ADGB: variants seen among roughly 807,000 people sequenced by gnomAD.
ADGB encodes the protein calpain-7-like protein.
ADGB carries 172 observed loss-of-function variants against 210.5 expected under a neutral mutation model. The observed-to-expected ratio is 0.82, with a 90% confidence interval of 0.72 to 0.93. The LOEUF is 0.93. Among genes scored for constraint, ADGB ranks in the 40% least tolerant of loss-of-function variants. ADGB has a pLI of 0.00. For synonymous variants in ADGB, 658 were observed against 662.7 expected (o/e 0.99, Z 0.11); for missense variants, 2,025 against 1,964.8 (o/e 1.03, Z -0.58).
At chr6:146,647,983 G>T (rs555265714) in intron 3 of ADGB, among the ~76,000 whole-genome samples, 2 of 151,666 alleles carry the variant, frequency 1.3e-5, no homozygotes, top group Non-Finnish European at 2.9e-5. Context: ...ACATACAAAG[G>T]TTTTAAAAAT....
intron 10 of ADGB, among the ~76,000 whole-genome samples, chr6:146,689,303 C>T (rs559428175): frequency 6.6e-6 from 1 of 152,276 alleles, no homozygotes; most frequent in African/African-American, 2.4e-5. Context: ...CTTGAACAAA[C>T]TTTCTCAGCA....
intron 10 of ADGB, among the ~76,000 whole-genome samples, chr6:146,686,095 T>G (rs1776229147): frequency 6.6e-6 from 1 of 152,032 alleles, no homozygotes; most frequent in Non-Finnish European, 1.5e-5. Flanking sequence ...TATAGATCCT[T>G]CTGTTATAAT....
chr6:146,603,299 AT>A (rs1327255660), intron 1 of ADGB, among the ~76,000 whole-genome samples: 3 of 152,210 alleles, frequency 2.0e-5, no homozygotes, highest in Non-Finnish European at 2.9e-5. Flanking sequence ...CGCTGGAGGG[AT>A]TTGTAGTGAT....
rs547815982 is a variant in ADGB, at chr6:146,815,236, T to C, written c.*19T>C. The C allele has an allele frequency of 4.5e-4, 664 of 1,471,692 alleles. 2 individuals are homozygous for C. Among genetic ancestry groups the C allele is most frequent in the South Asian group, 3.9e-3 (265 of 68,450 alleles). 91.2% of individuals were successfully genotyped at this position (1,471,692 alleles called of 1,614,324 possible). A position where few individuals can be genotyped will look rare whatever the true frequency, so the allele number is the denominator to read the frequency against. On this transcript the variant is annotated 3_prime_UTR_variant, in exon 36 of 36. Transcript: ENST00000397944. ...AAAGTAACCAGGGGATGTCCAATAC[T>C]ACCCTGCTTCTGGAGAGAAAAAATC...
intron 9 of ADGB, among the ~76,000 whole-genome samples, chr6:146,677,391 AATTTT>A (rs1306646956): frequency 6.6e-6 from 1 of 152,032 alleles, no homozygotes; most frequent in East Asian, 1.9e-4. Context: ...CTTATTAATA[AATTTT>A]TATCTTTTTT....
chr6:146,815,392 T>C lies in ADGB; in HGVS notation c.*175T>C, dbSNP rs1052451. 141,377 of 437,460 alleles carry C rather than the reference T, an allele frequency of 0.32. 25,774 individuals carry two copies. The highest frequency in any genetic ancestry group is 0.68 in the East Asian group (17,020 of 24,916). The allele number at this position is 437,460 out of a possible 1,614,324, so 27.1% of individuals were successfully genotyped here. ...CAGAAAGCTAGTATTTGAAGCCATT[T>C]GAGTTTAAGATGCTCTAATTTCAAT... On this transcript the variant is annotated 3_prime_UTR_variant, in exon 36 of 36. Transcript: ENST00000397944.
At chr6:146,719,503 C>T (rs1442011088) in intron 16 of ADGB, among the ~76,000 whole-genome samples, 3 of 152,060 alleles carry the variant, frequency 2.0e-5, no homozygotes. Context: ...ATCTTAATGG[C>T]ATTTAGCATG....
At chr6:146,649,957 TA>T (rs1337998287) in intron 3 of ADGB, among the ~76,000 whole-genome samples, 1 of 152,206 alleles carries the variant, frequency 6.6e-6, no homozygotes, top group Non-Finnish European at 1.5e-5. Flanking sequence ...TAAACATATC[TA>T]AACGTGTATA....
chr6:146,601,042 T>C (rs1295127433), intron 1 of ADGB, among the ~76,000 whole-genome samples: 1 of 152,020 alleles, frequency 6.6e-6, no homozygotes, highest in Non-Finnish European at 1.5e-5. Flanking sequence ...GGGAAAATCT[T>C]GGACTTTAAT....
At chr6:146,752,862 G>T in intron 27 of ADGB, 148 bp downstream of exon 27, 1 of 684,342 alleles carries the variant, frequency 1.5e-6, no homozygotes. Flanking sequence ...TATAGCATTT[G>T]CATGTCAAAT....
intron 26 of ADGB, among the ~76,000 whole-genome samples, chr6:146,747,134 A>G (rs1777251485): frequency 6.6e-6 from 1 of 152,186 alleles, no homozygotes; most frequent in South Asian, 2.1e-4. Context: ...TTTATTTTCA[A>G]TATAGGACCT....
At chr6:146,736,721 C>A (rs1160646733) in intron 23 of ADGB, 130 bp downstream of exon 23, 4 of 499,014 alleles carry the variant, frequency 8.0e-6, no homozygotes, top group South Asian at 4.2e-5. Context: ...TTCGGACCTT[C>A]CACAATATTT....
intron 26 of ADGB, among the ~76,000 whole-genome samples, chr6:146,747,505 T>G (rs1184068286): frequency 2.6e-5 from 4 of 152,108 alleles, no homozygotes; most frequent in Non-Finnish European, 5.9e-5. Flanking sequence ...AGTTCATAAA[T>G]TAAAGGATAT....
At position 146,654,206 on chromosome 6, in the gene ADGB, G is replaced by A. The variant is rs1234645273; in HGVS notation, c.402G>A (p.Glu134=). The change falls in exon 4 of 36, where the codon GAG becomes GAA. Residue 134 remains glutamate (E), a splice_region_variant and synonymous_variant. Transcript: ENST00000397944. ...FSANEHLLCS[E]LMRWIISEIY... ...CAAATGAACATTTACTCTGCAGCGAGGTATGTACAGAAATATGAACTAAAG... is the reference window on the plus strand; with the variant it reads ...CAAATGAACATTTACTCTGCAGCGAAGTATGTACAGAAATATGAACTAAAG... The A allele has an allele frequency of 6.5e-7, 1 of 1,539,630 alleles. No homozygotes were observed. The highest frequency in any genetic ancestry group is 2.0e-5 in the Admixed American group (1 of 50,828).
At chr6:146,604,928 G>C (rs1051283544) in intron 1 of ADGB, among the ~76,000 whole-genome samples, 1 of 152,040 alleles carries the variant, frequency 6.6e-6, no homozygotes, top group African/African-American at 2.4e-5. Flanking sequence ...CTTCCAACTG[G>C]GGCTGGTTTT....
At chr6:146,630,280 G>C (rs1490766562) in intron 1 of ADGB, among the ~76,000 whole-genome samples, 1 of 151,866 alleles carries the variant, frequency 6.6e-6, no homozygotes, top group Non-Finnish European at 1.5e-5. Context: ...AAAGCAAGCT[G>C]GGCAGGATCA....
intron 2 of ADGB, among the ~76,000 whole-genome samples, chr6:146,643,970 A>C (rs1426137019): frequency 1.3e-5 from 2 of 151,986 alleles, no homozygotes; most frequent in Non-Finnish European, 2.9e-5. Flanking sequence ...ACTGAATGTT[A>C]TATAGACATT....
chr6:146,653,119 A>G (rs2114881306), intron 3 of ADGB, among the ~76,000 whole-genome samples: 1 of 152,174 alleles, frequency 6.6e-6, no homozygotes, highest in East Asian at 1.9e-4. Context: ...TGTGCATGTG[A>G]GGAATCTAGG....
chr6:146,645,439 A>C (rs1016030686), intron 3 of ADGB, among the ~76,000 whole-genome samples: 8 of 152,068 alleles, frequency 5.3e-5, no homozygotes, highest in Non-Finnish European at 1.2e-4. Flanking sequence ...ACCCTAGTCT[A>C]TCCTCATAAC....
Sources: allele counts gnomAD v4.1 joint callset (sites outside exome capture counted in the v4.1 genomes callset), GRCh38; gene constraint gnomAD v4.1.1; transcripts MANE v1.5; gene names NCBI Gene and HGNC (gene_info 2026-07-23, HGNC 2026-07-21).